Variants in INPP5A observed in about 807,000 individuals in gnomAD.
The protein encoded by INPP5A is 43 kDa inositol polyphosphate 5-phophatase.
Under a neutral mutation model 65.2 loss-of-function variants are expected in INPP5A, and 14 were observed. That is an observed-to-expected ratio of 0.21 (90% CI 0.14 to 0.34). The LOEUF (loss-of-function observed/expected upper bound fraction) is 0.34, where lower values mean the gene tolerates loss of function less well. Among genes scored for constraint, INPP5A ranks in the 10% least tolerant of loss-of-function variants. The pLI, the probability that INPP5A is intolerant of heterozygous loss-of-function variation, is 1.00. For synonymous variants in INPP5A, 207 were observed against 208.3 expected (o/e 0.99, Z 0.05); for missense variants, 431 against 545.6 (o/e 0.79, Z 2.09).
Position 132,537,862 on chromosome 10 carries a change from T to G in INPP5A, c.-235T>G. On this transcript the variant is annotated 5_prime_UTR_variant, in exon 1 of 16. An upstream open reading frame in the 5' UTR loses its in-frame stop. Transcript: ENST00000368594. ...TCTAATGGCTGCGCGCGGGCCGCTG[T>G]GAGGCGCGGCGGCGAGCGACGGGCG... The G allele has an allele frequency of 3.0e-6, 1 of 330,966 alleles. No homozygotes were observed. The allele number at this position is 330,966 out of a possible 1,614,324, so 20.5% of individuals were successfully genotyped here. A position where few individuals can be genotyped will look rare whatever the true frequency, so the allele number is the denominator to read the frequency against.
chr10:132,674,141 C>T lies in INPP5A; in HGVS notation c.307-16251C>T, dbSNP rs544295685. Among the ~76,000 whole-genome samples, 12 of 152,332 alleles carry T rather than the reference C, an allele frequency of 7.9e-5. No individual in the cohort carries two copies. Among genetic ancestry groups the T allele is most frequent in the African/African-American group, 2.6e-4 (11 of 41,572 alleles). ...TCACCCATTGGTGAGCACTCACATG[C>T]GATACAAATATCTTCACAAATTTTG... On this transcript the variant is annotated intron_variant, in intron 4 of 15. Coordinates refer to ENST00000368594, the MANE Select transcript of INPP5A (RefSeq NM_005539.5). This position sits in a 1 kb window ranked among gnomAD's most constrained non-coding sequence, Gnocchi z 4.4.
chr10:132,670,164 C>T, intron 4 of INPP5A, among the ~76,000 whole-genome samples: 1 of 145,332 alleles, frequency 6.9e-6, no homozygotes, highest in East Asian at 2.1e-4. Context: ...CTGCGCACTC[C>T]CAGAACCTGC....
rs11146494 is a variant in INPP5A at position 132,741,737 on chromosome 10, A to T, written c.733-7780A>T. 1.0e-4 allele frequency among the ~76,000 whole-genome samples: 5 copies of T among 49,398 alleles called. No individual in the cohort carries two copies. Among genetic ancestry groups the T allele is most frequent in the South Asian group, 7.9e-4 (1 of 1,262 alleles). 32.4% of individuals were successfully genotyped at this position (49,398 alleles called of 152,430 possible). ...GTCAGTATCTGTGTCCGCTTGCTTTACTCAATAGCCGACGTAAACTGAGGT... is the reference window on the plus strand; with the variant it reads ...GTCAGTATCTGTGTCCGCTTGCTTTTCTCAATAGCCGACGTAAACTGAGGT... On this transcript the variant is annotated intron_variant, in intron 9 of 15. Coordinates refer to ENST00000368594, the MANE Select transcript of INPP5A (RefSeq NM_005539.5). This position sits in a 1 kb window ranked among gnomAD's most constrained non-coding sequence, Gnocchi z 4.4.
intron 2 of INPP5A, among the ~76,000 whole-genome samples, chr10:132,609,708 G>A (rs912564175): frequency 6.6e-6 from 1 of 152,094 alleles, no homozygotes; most frequent in African/African-American, 2.4e-5. Context: ...GCAGTGTTGC[G>A]ATCTCGGCTC....
chr10:132,676,309 A>G lies in INPP5A; in HGVS notation c.307-14083A>G, dbSNP rs527359196. On this transcript the variant is annotated intron_variant, in intron 4 of 15. Coordinates refer to ENST00000368594, the MANE Select transcript of INPP5A (RefSeq NM_005539.5). This position sits in a 1 kb window ranked among gnomAD's most constrained non-coding sequence, Gnocchi z 4.0. ...GGTTCCTCACACAGCCTCGTTTTTC[A>G]TGAGACCTGCGGAAAGGCTCTGGGG... Among the ~76,000 whole-genome samples, 17 of 152,310 alleles carry G rather than the reference A, an allele frequency of 1.1e-4. No individual in the cohort carries two copies. The highest frequency in any genetic ancestry group is 1.0e-3 in the South Asian group (5 of 4,820).
intron 11 of INPP5A, among the ~76,000 whole-genome samples, chr10:132,765,384 G>T (rs1006984756): frequency 6.6e-6 from 1 of 152,232 alleles, no homozygotes; most frequent in Non-Finnish European, 1.5e-5. Context: ...TCACTCTGCA[G>T]GTTACTTGAC....
At chr10:132,641,190 CTGTT>C (rs761267685) in intron 2 of INPP5A, among the ~76,000 whole-genome samples, 22 of 152,206 alleles carry the variant, frequency 1.4e-4, no homozygotes, top group Admixed American at 3.9e-4. Flanking sequence ...TCCAGAGACA[CTGTT>C]TGTCCAAGAA....
At chr10:132,597,853 G>A (rs539893911) in intron 1 of INPP5A, among the ~76,000 whole-genome samples, 9 of 145,182 alleles carry the variant, frequency 6.2e-5, no homozygotes, top group Non-Finnish European at 1.2e-4. Flanking sequence ...TGTGCTATGC[G>A]CAGTGACTCT....
intron 4 of INPP5A, among the ~76,000 whole-genome samples, chr10:132,668,037 G>A (rs2072830399): frequency 6.6e-6 from 1 of 152,214 alleles, no homozygotes; most frequent in Admixed American, 6.5e-5. Context: ...GATCTTTCAA[G>A]TGTAACTTTT....
intron 2 of INPP5A, among the ~76,000 whole-genome samples, chr10:132,614,112 T>C (rs1291541516): frequency 6.6e-6 from 1 of 152,128 alleles, no homozygotes; most frequent in Non-Finnish European, 1.5e-5. Context: ...TTTCGAAGAT[T>C]AGGTCCAGAA....
At chr10:132,696,486 G>A (rs2134497338) in intron 5 of INPP5A, among the ~76,000 whole-genome samples, 2 of 152,282 alleles carry the variant, frequency 1.3e-5, no homozygotes, top group South Asian at 4.2e-4. Flanking sequence ...GTGTTATTTG[G>A]TGATAAAAAG....
At chr10:132,722,675 C>T (rs557236780) in intron 8 of INPP5A, among the ~76,000 whole-genome samples, 254 of 152,358 alleles carry the variant, frequency 1.7e-3, no homozygotes, top group Non-Finnish European at 2.5e-3. Flanking sequence ...CCCCAGCCGT[C>T]GCGGTGGAGC....
intron 9 of INPP5A, among the ~76,000 whole-genome samples, chr10:132,738,804 C>T (rs1453765631): frequency 6.6e-6 from 1 of 152,208 alleles, no homozygotes; most frequent in East Asian, 1.9e-4. Flanking sequence ...CGGATGCTGA[C>T]GCCAACATCT....
chr10:132,742,297 C>T (rs1235999689), intron 9 of INPP5A, among the ~76,000 whole-genome samples: 2 of 152,364 alleles, frequency 1.3e-5, no homozygotes, highest in East Asian at 1.9e-4. Flanking sequence ...TGGGCCAGCA[C>T]GCGCAGCCCC....
chr10:132,708,479 A>AC, intron 7 of INPP5A, 114 bp downstream of exon 7: 2 of 1,034,016 alleles, frequency 1.9e-6, no homozygotes, highest in Middle Eastern at 2.2e-4. Flanking sequence ...TTGCATGAGG[A>AC]CCCCCAGCTG....
At chr10:132,738,962 C>T (rs1214417993) in intron 9 of INPP5A, among the ~76,000 whole-genome samples, 1 of 152,292 alleles carries the variant, frequency 6.6e-6, no homozygotes, top group South Asian at 2.1e-4. Context: ...GGTCCCCCTT[C>T]GGGTCTAGGG....
chr10:132,564,204 A>G (rs906268105), intron 1 of INPP5A, among the ~76,000 whole-genome samples: 10 of 151,954 alleles, frequency 6.6e-5, no homozygotes, highest in African/African-American at 2.4e-4. Flanking sequence ...CGTTGTGGGT[A>G]TGGCCACCGC....
At chr10:132,715,247 C>A (rs1348638950) in intron 8 of INPP5A, among the ~76,000 whole-genome samples, 1 of 152,178 alleles carries the variant, frequency 6.6e-6, no homozygotes, top group African/African-American at 2.4e-5. Context: ...CTTTGTCTCC[C>A]CTCTGAAATG....
chr10:132,631,025 CA>C (rs1322097886), intron 2 of INPP5A, among the ~76,000 whole-genome samples: 1 of 152,094 alleles, frequency 6.6e-6, no homozygotes, highest in African/African-American at 2.4e-5. Flanking sequence ...ACAGTCTCCC[CA>C]AAAAACCTCT....
Sources: allele counts gnomAD v4.1 joint callset (sites outside exome capture counted in the v4.1 genomes callset), GRCh38; gene constraint gnomAD v4.1.1; non-coding constraint Gnocchi (gnomAD v3.1); transcripts MANE v1.5; gene names NCBI Gene and HGNC (gene_info 2026-07-23, HGNC 2026-07-21).